Variants in GKAP1 observed in about 807,000 individuals in gnomAD.
GKAP1 encodes G kinase anchoring protein 1.
In GKAP1, 31 loss-of-function variants were observed where a neutral mutation model predicts 56.7. The observed-to-expected ratio is 0.55, with a 90% CI of 0.41 to 0.74. GKAP1 has a LOEUF of 0.74. Ranked by LOEUF, GKAP1 falls within the 30% of genes least tolerant of loss-of-function variation. GKAP1 has a pLI of 0.00. For missense variants in GKAP1, 364 were observed against 402.3 expected, an observed-to-expected ratio of 0.90 and a Z score of 0.82; for synonymous variants, 151 against 138.6, an observed-to-expected ratio of 1.09 and a Z score of -0.63.
chr9:83,765,540 A>G (rs1264634650), intron 8 of GKAP1, among the ~76,000 whole-genome samples: 1 of 152,192 alleles, frequency 6.6e-6, no homozygotes, highest in African/African-American at 2.4e-5. Context: ...CAGACACTCA[A>G]TGCCAGCCGT....
At chr9:83,746,917 A>G (rs1943305002) in intron 10 of GKAP1, among the ~76,000 whole-genome samples, 3 of 152,208 alleles carry the variant, frequency 2.0e-5, no homozygotes, top group African/African-American at 7.2e-5. Context: ...AGGGCTGACT[A>G]TATCTTCACA....
At chr9:83,808,195 T>A (rs1944464657) in intron 2 of GKAP1, among the ~76,000 whole-genome samples, 1 of 152,206 alleles carries the variant, frequency 6.6e-6, no homozygotes, top group South Asian at 2.1e-4. Context: ...TGAGAACGAA[T>A]GCTTCATAAG....
At chr9:83,796,973 G>C (rs1473158283) in intron 4 of GKAP1, among the ~76,000 whole-genome samples, 1 of 152,060 alleles carries the variant, frequency 6.6e-6, no homozygotes, top group African/African-American at 2.4e-5. Context: ...CTTTTTCGAG[G>C]TGTGCTTTCA....
At chr9:83,779,586 C>CAT (rs10636498) in intron 7 of GKAP1, among the ~76,000 whole-genome samples, 68,865 of 121,664 alleles carry the variant, frequency 0.57, 22,054 homozygotes, top group African/African-American at 0.88. Context: ...TATATATACA[C>CAT]GTATATGTGT....
At chr9:83,804,003 G>C (rs1314379310) in intron 3 of GKAP1, among the ~76,000 whole-genome samples, 1 of 150,924 alleles carries the variant, frequency 6.6e-6, no homozygotes, top group Non-Finnish European at 1.5e-5. Flanking sequence ...GAAGTGAGGA[G>C]ACCCTCCGCC....
At chr9:83,806,185 T>C (rs1944437283) in intron 3 of GKAP1, 117 bp downstream of exon 3, 1 of 639,496 alleles carries the variant, frequency 1.6e-6, no homozygotes, top group Non-Finnish European at 2.7e-6. Flanking sequence ...ATTGAAGTAA[T>C]ATTTTCAGAG....
At chr9:83,812,399 G>C (rs1019903109) in intron 2 of GKAP1, among the ~76,000 whole-genome samples, 2 of 149,562 alleles carry the variant, frequency 1.3e-5, no homozygotes, top group African/African-American at 4.9e-5. Flanking sequence ...ACCAAGGCTG[G>C]AGCAGTGGTG....
At chr9:83,815,573 AACACACAC>A (rs377376142) in intron 2 of GKAP1, among the ~76,000 whole-genome samples, 3 of 149,320 alleles carry the variant, frequency 2.0e-5, no homozygotes, top group African/African-American at 4.9e-5. Flanking sequence ...AACTTCAGAA[AACACACAC>A]ACACACACAC....
At chr9:83,785,551 G>A (rs976431166) in intron 5 of GKAP1, among the ~76,000 whole-genome samples, 2 of 152,070 alleles carry the variant, frequency 1.3e-5, no homozygotes, top group Non-Finnish European at 2.9e-5. Context: ...CCACCACCAT[G>A]TGCACATCTG....
chr9:83,773,960 C>T (rs557635886), intron 7 of GKAP1, among the ~76,000 whole-genome samples: 1 of 152,156 alleles, frequency 6.6e-6, no homozygotes, highest in South Asian at 2.1e-4. Context: ...TTAACATCAC[C>T]TTATTCCTAC....
At chr9:83,754,006 G>C (rs1433714876) in intron 8 of GKAP1, among the ~76,000 whole-genome samples, 1 of 152,114 alleles carries the variant, frequency 6.6e-6, no homozygotes, top group Non-Finnish European at 1.5e-5. Flanking sequence ...GACTTCATCT[G>C]GAGAATTCAG....
In GKAP1 at chr9:83,804,542, C is replaced by T. The variant is rs1171026794; in HGVS notation, c.216+1760G>A. Among the ~76,000 whole-genome samples, 4 of 78,932 alleles carry T rather than the reference C, an allele frequency of 5.1e-5. 1 individual carries two copies. Among genetic ancestry groups the T allele is most frequent in the Admixed American group, 2.0e-4 (2 of 9,892 alleles). The allele number at this position is 78,932 out of a possible 152,430, so 51.8% of individuals were successfully genotyped here. ...GGGAGGTGGGGGGGTCAGCCCCCCG[C>T]CCAGCCAGACGCCCCGTCCGGGAGG... On this transcript the variant is annotated intron_variant, in intron 3 of 12. Coordinates refer to ENST00000376371, the MANE Select transcript of GKAP1 (RefSeq NM_025211.4).
rs1943226618 is a variant in GKAP1, at chr9:83,742,613, GA to G, written c.905-14del. ...GCCTTATCTTTCACTGACAAAAAAG[GA>G]AAAACAGCAGTATAGATTTTCCAGT... On this transcript the variant is annotated splice_polypyrimidine_tract_variant and intron_variant, in intron 10 of 12. Transcript: ENST00000376371. 1.9e-6 allele frequency: 3 copies of G among 1,592,068 alleles called. No homozygotes were observed. Among genetic ancestry groups the G allele is most frequent in the African/African-American group, 1.3e-5 (1 of 74,374 alleles).
At chr9:83,781,066 C>T (rs1412766928) in intron 6 of GKAP1, among the ~76,000 whole-genome samples, 2 of 152,076 alleles carry the variant, frequency 1.3e-5, no homozygotes, top group Non-Finnish European at 2.9e-5. Flanking sequence ...ATAAGGGAAT[C>T]TAAAGTACAA....
In GKAP1 at chr9:83,768,870, T is replaced by C. The variant is rs1023195500; in HGVS notation, c.686A>G (p.Gln229Arg). ...ATCTGTTCCATTATATTCTGTAAGCTGTTCTCTTCGTTTTTCTCTAATAAG... is the reference window on the plus strand; with the variant it reads ...ATCTGTTCCATTATATTCTGTAAGCCGTTCTCTTCGTTTTTCTCTAATAAG... ...KILIREKRRE[Q>R]LTEYNGTDNC... The change falls in exon 8 of 13, where the codon CAG becomes CGG. Residue 229 changes from glutamine to arginine, a missense_variant. By Grantham distance (43) the Gln-to-Arg change is conservative. Transcript: ENST00000376371. 3 of 1,612,788 alleles carry C rather than the reference T, an allele frequency of 1.9e-6. No homozygotes were observed. Among genetic ancestry groups the C allele is most frequent in the Non-Finnish European group, 2.5e-6 (3 of 1,179,490 alleles).
At chr9:83,763,302 G>C (rs1943605753) in intron 8 of GKAP1, among the ~76,000 whole-genome samples, 1 of 152,206 alleles carries the variant, frequency 6.6e-6, no homozygotes, top group Non-Finnish European at 1.5e-5. Context: ...CAGTGAGGGA[G>C]TGGGCAGGTG....
chr9:83,812,149 C>A (rs1364209947), intron 2 of GKAP1, among the ~76,000 whole-genome samples: 1 of 151,158 alleles, frequency 6.6e-6, no homozygotes, highest in Non-Finnish European at 1.5e-5. Context: ...ATGGTTTTTA[C>A]TATTTCCCCA....
chr9:83,777,914 G>A (rs967272791), intron 7 of GKAP1, among the ~76,000 whole-genome samples: 10 of 152,084 alleles, frequency 6.6e-5, no homozygotes, highest in East Asian at 1.9e-4. Context: ...TGGTATAACC[G>A]TTGTAACATT....
chr9:83,803,610 C>T (rs559082115), intron 3 of GKAP1, among the ~76,000 whole-genome samples: 1 of 152,324 alleles, frequency 6.6e-6, no homozygotes, highest in South Asian at 2.1e-4. Context: ...CTACAACCTC[C>T]ATCTCCCAGC....
Sources: allele counts gnomAD v4.1 joint callset (sites outside exome capture counted in the v4.1 genomes callset), GRCh38; gene constraint gnomAD v4.1.1; transcripts MANE v1.5; gene names NCBI Gene and HGNC (gene_info 2026-07-23, HGNC 2026-07-21).